The following FARS2 variants were observed in gnomAD, a reference collection of about 807,000 sequenced individuals.
FARS2 encodes the protein phenylalanyl-tRNA synthetase 2, mitochondrial, also known as phenylalanine--tRNA ligase, mitochondrial.
FARS2 carries 40 observed loss-of-function variants against 46.4 expected under a neutral mutation model. That is an observed-to-expected ratio of 0.86 (90% CI 0.67 to 1.12). The LOEUF is 1.12. Among genes scored for constraint, FARS2 ranks in the 50% most tolerant of loss-of-function variants. The probability of loss-of-function intolerance (pLI) is 0.00; values close to 1 mark genes in which losing one functional copy is unlikely to be tolerated. For missense variants in FARS2, 513 were observed against 567.9 expected (o/e 0.90, Z 0.98); for synonymous variants, 234 against 214.9 (o/e 1.09, Z -0.78).
chr6:5,409,110 G>C (rs1352447834), intron 3 of FARS2, among the ~76,000 whole-genome samples: 2 of 152,114 alleles, frequency 1.3e-5, no homozygotes, highest in Non-Finnish European at 2.9e-5. Context: ...TTCTGACTGT[G>C]ATGCCTGTCC....
intron 6 of FARS2, among the ~76,000 whole-genome samples, chr6:5,763,540 C>T (rs139093961): frequency 6.6e-6 from 1 of 152,316 alleles, no homozygotes; most frequent in Non-Finnish European, 1.5e-5. Context: ...CCTCAGAGCA[C>T]ATTTATTCCA....
At chr6:5,519,343 A>G (rs531576227) in intron 4 of FARS2, among the ~76,000 whole-genome samples, 1 of 152,340 alleles carries the variant, frequency 6.6e-6, no homozygotes, top group Admixed American at 6.5e-5. Context: ...GATCACAGCT[A>G]TATTTAGTTG....
At chr6:5,675,379 A>G (rs898896586) in intron 6 of FARS2, among the ~76,000 whole-genome samples, 8 of 152,184 alleles carry the variant, frequency 5.3e-5, no homozygotes, top group African/African-American at 1.9e-4. Context: ...GGAGACAGAG[A>G]AAATAGACTT....
intron 2 of FARS2, among the ~76,000 whole-genome samples, chr6:5,398,729 A>G (rs2127707535): frequency 6.6e-6 from 1 of 152,290 alleles, no homozygotes; most frequent in African/African-American, 2.4e-5. Context: ...GTTACAAAAT[A>G]TGAATTCATA....
At chr6:5,721,160 T>C (rs1385597231) in intron 6 of FARS2, among the ~76,000 whole-genome samples, 1 of 152,254 alleles carries the variant, frequency 6.6e-6, no homozygotes, top group Non-Finnish European at 1.5e-5. Context: ...TATAATTCTA[T>C]GAAAAATAAC....
chr6:5,386,433 C>T (rs902743723), intron 2 of FARS2, among the ~76,000 whole-genome samples: 2 of 151,920 alleles, frequency 1.3e-5, no homozygotes, highest in Admixed American at 6.6e-5. Context: ...TTTTAAGGGG[C>T]CAGAGTGAGG....
At chr6:5,346,878 A>T (rs1757270318) in intron 1 of FARS2, among the ~76,000 whole-genome samples, 1 of 151,522 alleles carries the variant, frequency 6.6e-6, no homozygotes, top group Admixed American at 6.6e-5. Context: ...CCATACAGTG[A>T]ACTTCACGGA....
rs527575112 is a variant in FARS2, at chr6:5,422,275, C to T, written c.773-8766C>T. Among the ~76,000 whole-genome samples the T allele has an allele frequency of 9.9e-5, 15 of 152,240 alleles. No homozygotes were observed. In the East Asian group the frequency reaches 2.1e-3, roughly 22 times the overall value. On this transcript the variant is annotated intron_variant, in intron 3 of 6. Coordinates refer to ENST00000274680, the MANE Select transcript of FARS2 (RefSeq NM_006567.5). ...CTCCCACTGGGCCCCTTCCACAATG[C>T]GTGGGAATTCAAGATGAGATTTGGG...
At chr6:5,745,800 A>G (rs569514686) in intron 6 of FARS2, among the ~76,000 whole-genome samples, 2 of 152,220 alleles carry the variant, frequency 1.3e-5, no homozygotes, top group South Asian at 2.1e-4. Context: ...TCGGCCTCAC[A>G]AAATGCTGGG....
At chr6:5,312,226 A>G (rs989507756) in intron 1 of FARS2, among the ~76,000 whole-genome samples, 2 of 152,214 alleles carry the variant, frequency 1.3e-5, no homozygotes, top group African/African-American at 4.8e-5. Context: ...CATAGCATTC[A>G]TTTATCCTCA....
intron 3 of FARS2, among the ~76,000 whole-genome samples, chr6:5,427,504 A>G (rs927642242): frequency 3.9e-5 from 6 of 152,180 alleles, no homozygotes; most frequent in African/African-American, 1.4e-4. Context: ...GGTCATGTAG[A>G]TTTTAAAACG....
intron 1 of FARS2, among the ~76,000 whole-genome samples, chr6:5,331,374 G>C (rs1770789984): frequency 6.6e-6 from 1 of 152,112 alleles, no homozygotes; most frequent in Non-Finnish European, 1.5e-5. Context: ...ACATCTCTGG[G>C]AGCATTCACA....
chr6:5,595,695 C>G (rs953216910), intron 5 of FARS2, among the ~76,000 whole-genome samples: 7 of 152,144 alleles, frequency 4.6e-5, no homozygotes, highest in Non-Finnish European at 1.0e-4. Context: ...TGGATCTGAA[C>G]TAAATTGTGG....
At chr6:5,355,466 C>T (rs1757858435) in intron 1 of FARS2, among the ~76,000 whole-genome samples, 1 of 150,606 alleles carries the variant, frequency 6.6e-6, no homozygotes, top group South Asian at 2.1e-4. Context: ...AAGCAGTTCT[C>T]CTGCCTCAGC....
intron 1 of FARS2, among the ~76,000 whole-genome samples, chr6:5,364,194 T>A (rs1168448488): frequency 6.6e-6 from 1 of 152,206 alleles, no homozygotes; most frequent in East Asian, 1.9e-4. Context: ...CACTGGGCAA[T>A]GAGTTAATTA....
chr6:5,577,181 G>A (rs1773035827), intron 5 of FARS2, among the ~76,000 whole-genome samples: 1 of 152,160 alleles, frequency 6.6e-6, no homozygotes, highest in African/African-American at 2.4e-5. Flanking sequence ...TTGAGCAGAA[G>A]AGTAAATATA....
At chr6:5,714,207 AG>A (rs1216386842) in intron 6 of FARS2, among the ~76,000 whole-genome samples, 1 of 152,188 alleles carries the variant, frequency 6.6e-6, no homozygotes, top group Non-Finnish European at 1.5e-5. Flanking sequence ...TTGCTAGTTT[AG>A]GAGGCCATCG....
intron 6 of FARS2, among the ~76,000 whole-genome samples, chr6:5,697,890 T>G (rs577083343): frequency 2.6e-5 from 4 of 151,358 alleles, no homozygotes; most frequent in Admixed American, 6.6e-5. Context: ...ACTTGTTTTT[T>G]TAATTTAAAA....
chr6:5,682,920 G>T (rs4960125), intron 6 of FARS2, among the ~76,000 whole-genome samples: 58,235 of 152,090 alleles, frequency 0.38, 12,590 homozygotes, highest in Non-Finnish European at 0.49. Flanking sequence ...AAGCAGGGAA[G>T]TAAGGGACCA....
Sources: gnomAD v4.1 joint callset for allele counts (sites outside exome capture counted in the v4.1 genomes callset) on GRCh38, gnomAD v4.1.1 for gene constraint, MANE v1.5 for transcripts, NCBI Gene and HGNC (gene_info 2026-07-23, HGNC 2026-07-21) for gene names.